Variants in NFAT5 observed in about 807,000 individuals in gnomAD.
NFAT5 encodes nuclear factor of activated T cells 5.
In NFAT5, 31 loss-of-function variants were observed where a neutral mutation model predicts 166.5. The observed-to-expected ratio is 0.19, with a 90% confidence interval of 0.14 to 0.25. The LOEUF (loss-of-function observed/expected upper bound fraction) is 0.25. NFAT5 is among the 10% of genes least tolerant of loss of function. NFAT5 has a pLI of 1.00. For synonymous variants in NFAT5, 612 were observed against 639.7 expected (o/e 0.96, Z 0.65); for missense variants, 1,449 against 1,821.8 (o/e 0.80, Z 3.72).
intron 10 of NFAT5, among the ~76,000 whole-genome samples, chr16:69,680,866 TCTC>T (rs1195788224): frequency 3.9e-5 from 6 of 152,146 alleles, no homozygotes; most frequent in African/African-American, 1.2e-4. Flanking sequence ...TTCAGGCAAT[TCTC>T]CTGCCACAGC....
At position 69,572,833 on chromosome 16, in the gene NFAT5, G is replaced by GTTAT. The variant is rs574120188; in HGVS notation, c.127+4308_127+4311dup. Among the ~76,000 whole-genome samples the GTTAT allele has an allele frequency of 9.9e-4, 150 of 151,980 alleles. 1 individual carries two copies. The highest frequency in any genetic ancestry group is 3.4e-3 in the Middle Eastern group (1 of 294). On this transcript the variant is annotated intron_variant, in intron 2 of 14. Transcript: ENST00000349945. ...TAAATGCTGATCTGATATAATCTTT[G>GTTAT]TTATTTATTTATTTATTTATTTATT...
chr16:69,618,374 TTTG>T (rs1360344781), intron 2 of NFAT5, among the ~76,000 whole-genome samples: 2 of 152,068 alleles, frequency 1.3e-5, no homozygotes, highest in African/African-American at 4.8e-5. Flanking sequence ...TTGAGAAAAA[TTTG>T]TTAAGACAGA....
At chr16:69,649,573 A>G (rs1431878935) in intron 4 of NFAT5, 1 of 982,138 alleles carries the variant, frequency 1.0e-6, no homozygotes, top group African/African-American at 1.7e-5. Flanking sequence ...TTAGGTAATG[A>G]AAAAAATATT....
intron 2 of NFAT5, among the ~76,000 whole-genome samples, chr16:69,579,205 C>T (rs541030608): frequency 6.6e-6 from 1 of 152,056 alleles, no homozygotes; most frequent in Non-Finnish European, 1.5e-5. Flanking sequence ...TTGTGAACTC[C>T]AAGACATTTT....
chr16:69,687,657 G>A (rs2037364552), intron 11 of NFAT5, among the ~76,000 whole-genome samples: 1 of 152,012 alleles, frequency 6.6e-6, no homozygotes, highest in Non-Finnish European at 1.5e-5. Context: ...CCAGAAAGGG[G>A]GAGAAGATAA....
chr16:69,593,785 G>T (rs1451957683), intron 2 of NFAT5, among the ~76,000 whole-genome samples: 1 of 152,156 alleles, frequency 6.6e-6, no homozygotes, highest in Non-Finnish European at 1.5e-5. Context: ...ACGCCATTTT[G>T]TGCAGTATAA....
In NFAT5 at chr16:69,614,940, G is replaced by A. The variant is rs145325216; in HGVS notation, c.128-11463G>A. Among the ~76,000 whole-genome samples, 91 of 145,218 alleles carry A rather than the reference G, an allele frequency of 6.3e-4. No homozygotes were observed. The East Asian group carries it at 0.017, about 27-fold the overall frequency. On this transcript the variant is annotated intron_variant, in intron 2 of 14. Coordinates refer to ENST00000349945, the MANE Select transcript of NFAT5 (RefSeq NM_138713.4). ...TACCCAGGCTGGAGTACAGTGGTAC[G>A]ATCTTGGCTCACTGCAGCCTCCTCC...
chr16:69,568,477 GCT>G lies in NFAT5; in HGVS notation c.74-17_74-16del, dbSNP rs1395258850. ...TCATTCAGCATAAAAAGTACCTAAT[GCT>G]TTTTGTGTTTTTCAGATTCTCTGAA... On this transcript the variant is annotated splice_polypyrimidine_tract_variant and intron_variant, in intron 1 of 14. Transcript: ENST00000349945. The G allele has an allele frequency of 2.8e-5, 45 of 1,604,466 alleles. No homozygotes were observed. Among genetic ancestry groups the G allele is most frequent in the Non-Finnish European group, 3.7e-5 (43 of 1,174,508 alleles).
rs568064050 is a variant in NFAT5, at chr16:69,633,867, G to C, written c.253+7339G>C. ...AACACAAAGAAATGATAAATATTTA[G>C]ATAATGGATATGTTAATTACCTTGA... On this transcript the variant is annotated intron_variant, in intron 3 of 14. Transcript: ENST00000349945. 5.9e-5 allele frequency among the ~76,000 whole-genome samples: 9 copies of C among 152,164 alleles called. No homozygotes were observed. The South Asian group carries it at 1.9e-3, about 32-fold the overall frequency.
chr16:69,682,661 T>C (rs1308245651), intron 10 of NFAT5, among the ~76,000 whole-genome samples: 6 of 152,088 alleles, frequency 3.9e-5, no homozygotes, highest in Admixed American at 2.6e-4. Context: ...CATAACATGA[T>C]TTATAAGTAG....
At chr16:69,625,429 TTATG>T (rs1210337239) in intron 2 of NFAT5, among the ~76,000 whole-genome samples, 1 of 152,080 alleles carries the variant, frequency 6.6e-6, no homozygotes, top group Non-Finnish European at 1.5e-5. Context: ...ATATAGGTAT[TTATG>T]CATTATGCAG....
chr16:69,665,049 A>C (rs1313538797), intron 7 of NFAT5, among the ~76,000 whole-genome samples: 3 of 152,168 alleles, frequency 2.0e-5, no homozygotes, highest in African/African-American at 7.2e-5. Context: ...TAAATAAGTA[A>C]ATAACTTAAA....
intron 2 of NFAT5, among the ~76,000 whole-genome samples, chr16:69,604,989 G>T (rs1489165800): frequency 6.6e-6 from 1 of 152,154 alleles, no homozygotes; most frequent in Non-Finnish European, 1.5e-5. Context: ...TCTGGCCATT[G>T]TGAATAGTGT....
rs2037903854 is a variant in NFAT5, at chr16:69,701,870, C to A, written c.*5519C>A. The A allele has an allele frequency of 6.6e-6, 1 of 152,060 alleles. No individual in the cohort carries two copies. Among genetic ancestry groups the A allele is most frequent in the Non-Finnish European group, 1.5e-5 (1 of 68,006 alleles). 9.4% of individuals were successfully genotyped at this position (152,060 alleles called of 1,614,324 possible). ...TCTATCCTCAGTTAATTTACCTAGACAAAAAGTGTCAAAGGAAATGAGAAA... is the reference window on the plus strand; with the variant it reads ...TCTATCCTCAGTTAATTTACCTAGAAAAAAAGTGTCAAAGGAAATGAGAAA... On this transcript the variant is annotated 3_prime_UTR_variant, in exon 15 of 15. Coordinates refer to ENST00000349945, the MANE Select transcript of NFAT5 (RefSeq NM_138713.4).
intron 3 of NFAT5, chr16:69,632,375 C>T (rs1255618673): frequency 6.6e-6 from 1 of 152,114 alleles, no homozygotes; most frequent in Admixed American, 6.5e-5. Context: ...CTAGTTCTTA[C>T]TCCTTGTCAT....
chr16:69,580,976 T>C, intron 2 of NFAT5, among the ~76,000 whole-genome samples: 1 of 152,200 alleles, frequency 6.6e-6, no homozygotes, highest in South Asian at 2.1e-4. Context: ...TCTTAAAACC[T>C]GGGTCCTCAT....
chr16:69,571,407 A>G (rs1323346531), intron 2 of NFAT5, among the ~76,000 whole-genome samples: 1 of 152,160 alleles, frequency 6.6e-6, no homozygotes, highest in Non-Finnish European at 1.5e-5. Flanking sequence ...GAGATGAGCA[A>G]TTGAAGGCAT....
intron 7 of NFAT5, among the ~76,000 whole-genome samples, chr16:69,668,526 C>T (rs987166148): frequency 1.3e-5 from 2 of 152,154 alleles, no homozygotes; most frequent in Admixed American, 1.3e-4. Context: ...CAGCTATACA[C>T]ATAGCTTGAA....
intron 2 of NFAT5, among the ~76,000 whole-genome samples, chr16:69,586,594 G>A (rs1302164500): frequency 6.6e-6 from 1 of 152,022 alleles, no homozygotes; most frequent in Non-Finnish European, 1.5e-5. Context: ...GTAGAGACGA[G>A]GTTTTGCTGT....
Sources: gnomAD v4.1 joint callset for allele counts (sites outside exome capture counted in the v4.1 genomes callset) on GRCh38, gnomAD v4.1.1 for gene constraint, MANE v1.5 for transcripts, NCBI Gene and HGNC (gene_info 2026-07-23, HGNC 2026-07-21) for gene names.